Variants in MTHFD1L observed in about 807,000 individuals in gnomAD.
The protein encoded by MTHFD1L is monofunctional C1-tetrahydrofolate synthase, mitochondrial.
Under a neutral mutation model 119.5 loss-of-function variants are expected in MTHFD1L, and 81 were observed. That is an observed-to-expected ratio of 0.68 (90% confidence interval 0.57 to 0.82). The LOEUF is 0.82. Among genes scored for constraint, MTHFD1L ranks in the 40% least tolerant of loss-of-function variants. The pLI is 0.00. For missense variants in MTHFD1L, 1,125 were observed against 1,253.4 expected, an observed-to-expected ratio of 0.90 and a Z score of 1.55; for synonymous variants, 430 against 475.2, an observed-to-expected ratio of 0.90 and a Z score of 1.24.
intron 1 of MTHFD1L, among the ~76,000 whole-genome samples, chr6:150,868,986 A>G (rs1778931437): frequency 6.6e-6 from 1 of 152,180 alleles, no homozygotes; most frequent in Admixed American, 6.5e-5. Context: ...ACTTGAGCCC[A>G]GGAGGTCAAG....
At chr6:150,896,531 C>T (rs1784249569) in intron 7 of MTHFD1L, among the ~76,000 whole-genome samples, 2 of 152,146 alleles carry the variant, frequency 1.3e-5, no homozygotes, top group South Asian at 4.1e-4. Context: ...TAGCGAGTGG[C>T]TGAGGTCATC....
intron 20 of MTHFD1L, 89 bp downstream of exon 20, chr6:150,972,147 A>G (rs1798072467): frequency 1.8e-6 from 2 of 1,133,698 alleles, no homozygotes; most frequent in Non-Finnish European, 2.6e-6. Flanking sequence ...CCATCCTGAC[A>G]TGAAACATAT....
At chr6:150,965,597 G>T (rs1392859639) in intron 19 of MTHFD1L, among the ~76,000 whole-genome samples, 1 of 151,398 alleles carries the variant, frequency 6.6e-6, no homozygotes, top group Admixed American at 6.6e-5. Flanking sequence ...GGAGGCAGAG[G>T]TTGCAGTGAG....
chr6:150,982,889 G>A (rs1777738994), intron 20 of MTHFD1L, among the ~76,000 whole-genome samples: 2 of 152,014 alleles, frequency 1.3e-5, no homozygotes, highest in Admixed American at 1.3e-4. Context: ...TAGTAGAGAT[G>A]GGGTTTCGCC....
At chr6:150,962,625 A>G (rs368497943) in intron 18 of MTHFD1L, among the ~76,000 whole-genome samples, 7 of 152,322 alleles carry the variant, frequency 4.6e-5, no homozygotes, top group East Asian at 1.9e-4. Flanking sequence ...CTAGCAGCAC[A>G]CAGAGGGTGG....
chr6:150,873,245 A>T (rs1779841281), intron 1 of MTHFD1L, among the ~76,000 whole-genome samples: 1 of 151,910 alleles, frequency 6.6e-6, no homozygotes, highest in Non-Finnish European at 1.5e-5. Flanking sequence ...AACCTGGGAG[A>T]TGGAGGTTGC....
chr6:151,076,099 A>G (rs78515122), intron 26 of MTHFD1L, among the ~76,000 whole-genome samples: 3,737 of 152,338 alleles, frequency 0.025, 149 homozygotes, highest in African/African-American at 0.085. Context: ...AGCTAAGCAC[A>G]GTAGCTCATG....
chr6:150,947,507 G>A (rs1224958063), intron 15 of MTHFD1L, among the ~76,000 whole-genome samples: 1 of 152,066 alleles, frequency 6.6e-6, no homozygotes, highest in Non-Finnish European at 1.5e-5. Context: ...CAAGACAAGA[G>A]GATTGCTTGA....
At chr6:151,072,685 AGGCT>A (rs754485933) in intron 26 of MTHFD1L, among the ~76,000 whole-genome samples, 8 of 152,130 alleles carry the variant, frequency 5.3e-5, no homozygotes, top group Non-Finnish European at 7.3e-5. Flanking sequence ...GCAACTTGGG[AGGCT>A]GAGGCAGGAG....
intron 7 of MTHFD1L, among the ~76,000 whole-genome samples, chr6:150,891,237 C>T (rs1158548209): frequency 1.3e-5 from 2 of 152,048 alleles, no homozygotes; most frequent in African/African-American, 4.8e-5. Flanking sequence ...CCGCCCACCT[C>T]GACCTCCCAA....
chr6:150,871,922 G>T (rs972533516), intron 1 of MTHFD1L, among the ~76,000 whole-genome samples: 1 of 150,186 alleles, frequency 6.7e-6, no homozygotes, highest in African/African-American at 2.5e-5. Flanking sequence ...CTTTCACCCA[G>T]GCTGGAGTGC....
chr6:150,915,014 G>T (rs13213420), intron 8 of MTHFD1L, among the ~76,000 whole-genome samples: 1 of 151,976 alleles, frequency 6.6e-6, no homozygotes, highest in Non-Finnish European at 1.5e-5. Flanking sequence ...ATGGAGTTTC[G>T]ACTGGAAATA....
At chr6:151,089,706 G>GA (rs908899937) in intron 26 of MTHFD1L, among the ~76,000 whole-genome samples, 6 of 152,138 alleles carry the variant, frequency 3.9e-5, no homozygotes, top group Non-Finnish European at 8.8e-5. Context: ...TAGGCAACTG[G>GA]AAAAAAATAT....
At chr6:150,893,221 T>C (rs181241266) in intron 7 of MTHFD1L, among the ~76,000 whole-genome samples, 5 of 152,144 alleles carry the variant, frequency 3.3e-5, no homozygotes, top group Non-Finnish European at 5.9e-5. Context: ...AGCACCACCA[T>C]GCCTGGCTAA....
intron 10 of MTHFD1L, among the ~76,000 whole-genome samples, chr6:150,923,537 A>ATTTATTTATTTTTTTT (rs1254981530): frequency 1.3e-4 from 12 of 95,216 alleles, no homozygotes; most frequent in African/African-American, 5.6e-4. Flanking sequence ...TTATTTATTT[A>ATTTATTTATTTTTTTT]TTTTTTCTTT....
chr6:150,965,857 A>C (rs1367743206), intron 19 of MTHFD1L, among the ~76,000 whole-genome samples: 1 of 152,172 alleles, frequency 6.6e-6, no homozygotes, highest in East Asian at 1.9e-4. Flanking sequence ...GCATTTGCCA[A>C]AGGCAAGTCA....
chr6:151,040,435 G>A (rs1333751026), intron 26 of MTHFD1L, among the ~76,000 whole-genome samples: 7 of 152,184 alleles, frequency 4.6e-5, no homozygotes, highest in Non-Finnish European at 5.9e-5. Flanking sequence ...ACCAGGGCCC[G>A]CACAGTGGCT....
Position 151,030,694 on chromosome 6 carries a change from A to G in MTHFD1L, c.2587-3799A>G, listed in dbSNP as rs17080720. Among the ~76,000 whole-genome samples the G allele has an allele frequency of 0.01, 1,599 of 152,328 alleles. 39 individuals carry two copies. In the South Asian group the frequency reaches 0.11, roughly 10 times the overall value. On this transcript the variant is annotated intron_variant, in intron 24 of 27. Transcript: ENST00000367321. Reference sequence around the variant, plus strand: ...AATTTTCTTATCATCTTGTGTGGCTATTGAACCACAGGGAACCCAAGCTTA... The same window carrying G: ...AATTTTCTTATCATCTTGTGTGGCTGTTGAACCACAGGGAACCCAAGCTTA...
intron 11 of MTHFD1L, among the ~76,000 whole-genome samples, chr6:150,935,915 A>G (rs1791970978): frequency 6.6e-6 from 1 of 152,224 alleles, no homozygotes; most frequent in African/African-American, 2.4e-5. Context: ...AATGCTTGTG[A>G]TGTACTAAAG....
Sources: gnomAD v4.1 joint callset for allele counts (sites outside exome capture counted in the v4.1 genomes callset) on GRCh38, gnomAD v4.1.1 for gene constraint, MANE v1.5 for transcripts, NCBI Gene and HGNC (gene_info 2026-07-23, HGNC 2026-07-21) for gene names.